The following CNTN6 variants were observed in gnomAD, a reference collection of about 807,000 sequenced individuals.
The protein encoded by CNTN6 is contactin 6.
In CNTN6, 137 loss-of-function variants were observed where a neutral mutation model predicts 122.8. The ratio of observed to expected loss-of-function variants is 1.12; its 90% CI spans 0.97 to 1.29. CNTN6 has a LOEUF of 1.29. Ranked by LOEUF, CNTN6 falls within the 50% of genes most tolerant of loss-of-function variation. CNTN6 has a pLI of 0.00. For missense variants in CNTN6, 1,634 were observed against 1,223.4 expected, an observed-to-expected ratio of 1.34 and a Z score of -5.01; for synonymous variants, 570 against 426.0, an observed-to-expected ratio of 1.34 and a Z score of -4.16.
chr3:1,181,604 G>T (rs536794625), intron 2 of CNTN6, among the ~76,000 whole-genome samples: 1 of 152,238 alleles, frequency 6.6e-6, no homozygotes, highest in Admixed American at 6.5e-5. Context: ...GTTTGTACTT[G>T]TGTGTATGTG....
chr3:1,300,811 C>T (rs963310383), intron 7 of CNTN6, among the ~76,000 whole-genome samples: 1 of 151,998 alleles, frequency 6.6e-6, no homozygotes, highest in African/African-American at 2.4e-5. Context: ...CTCTCCCCCT[C>T]TCTCTCTTTC....
At chr3:1,312,849 G>T (rs1325975040) in intron 7 of CNTN6, among the ~76,000 whole-genome samples, 2 of 150,512 alleles carry the variant, frequency 1.3e-5, no homozygotes, top group Non-Finnish European at 3.0e-5. Context: ...ATGATGTTGG[G>T]CATATTACCC....
At chr3:1,344,093 G>C (rs1401847058) in intron 11 of CNTN6, among the ~76,000 whole-genome samples, 1 of 152,116 alleles carries the variant, frequency 6.6e-6, no homozygotes, top group African/African-American at 2.4e-5. Context: ...GAATCTCCCT[G>C]CATCTCAGTT....
chr3:1,175,845 G>C (rs1042294957), intron 2 of CNTN6, among the ~76,000 whole-genome samples: 1 of 151,050 alleles, frequency 6.6e-6, no homozygotes, highest in African/African-American at 2.4e-5. Context: ...TGTAATTGAA[G>C]GGTTAAAAGT....
chr3:1,208,470 C>A (rs2093987872), intron 2 of CNTN6, among the ~76,000 whole-genome samples: 1 of 152,120 alleles, frequency 6.6e-6, no homozygotes, highest in South Asian at 2.1e-4. Flanking sequence ...TTTTGGCATT[C>A]TTCCAAAACC....
intron 1 of CNTN6, among the ~76,000 whole-genome samples, chr3:1,106,054 T>C (rs2091204797): frequency 6.6e-6 from 1 of 152,162 alleles, no homozygotes; most frequent in Non-Finnish European, 1.5e-5. Flanking sequence ...ACAAATTGTA[T>C]TTGAGACCTG....
chr3:1,389,501 C>G (rs1413139105), intron 20 of CNTN6, among the ~76,000 whole-genome samples: 2 of 152,146 alleles, frequency 1.3e-5, no homozygotes, highest in Non-Finnish European at 2.9e-5. Flanking sequence ...GAAACTGCAT[C>G]AACTAACGAG....
intron 4 of CNTN6, among the ~76,000 whole-genome samples, chr3:1,240,217 C>T (rs2094465119): frequency 6.6e-6 from 1 of 152,168 alleles, no homozygotes; most frequent in Non-Finnish European, 1.5e-5. Flanking sequence ...AAGAAATAAT[C>T]ATGAGAGTTT....
At chr3:1,168,950 C>G (rs1029760484) in intron 2 of CNTN6, among the ~76,000 whole-genome samples, 27 of 152,180 alleles carry the variant, frequency 1.8e-4, no homozygotes, top group African/African-American at 6.0e-4. Context: ...GAGAATAACT[C>G]AGGTGGACGT....
chr3:1,370,098 G>T (rs1708795452), intron 12 of CNTN6, among the ~76,000 whole-genome samples: 1 of 150,876 alleles, frequency 6.6e-6, no homozygotes, highest in Admixed American at 6.6e-5. Context: ...TTTTCTACTA[G>T]TTTATTCTTT....
At chr3:1,214,703 G>A (rs2094105330) in intron 2 of CNTN6, among the ~76,000 whole-genome samples, 2 of 152,072 alleles carry the variant, frequency 1.3e-5, no homozygotes, top group African/African-American at 4.8e-5. Flanking sequence ...TTGACTTCTG[G>A]TATAAAATGG....
At chr3:1,141,379 C>G (rs1350215504) in intron 1 of CNTN6, among the ~76,000 whole-genome samples, 1 of 152,094 alleles carries the variant, frequency 6.6e-6, no homozygotes, top group East Asian at 1.9e-4. Context: ...AAGGGGAGAA[C>G]GAAGCCCGTG....
intron 4 of CNTN6, among the ~76,000 whole-genome samples, 191 bp downstream of exon 4, chr3:1,228,184 A>T (rs116539634): frequency 0.027 from 4,084 of 152,066 alleles, 178 homozygotes; most frequent in African/African-American, 0.092. Context: ...AAAAAAGAAT[A>T]AAAAAAACAG....
intron 2 of CNTN6, among the ~76,000 whole-genome samples, chr3:1,210,876 T>C (rs2094026941): frequency 2.6e-5 from 4 of 152,216 alleles, no homozygotes. Flanking sequence ...TGATCTGGAA[T>C]GATGTTTTTT....
chr3:1,133,260 G>A (rs1170196071), intron 1 of CNTN6, among the ~76,000 whole-genome samples: 1 of 152,118 alleles, frequency 6.6e-6, no homozygotes, highest in East Asian at 1.9e-4. Context: ...CCAAGGAGAT[G>A]GACCAACATA....
At chr3:1,202,397 G>T (rs543987681) in intron 2 of CNTN6, among the ~76,000 whole-genome samples, 3 of 149,670 alleles carry the variant, frequency 2.0e-5, no homozygotes, top group Admixed American at 6.6e-5. Flanking sequence ...GAAATCAGCC[G>T]GGCGTGGTGG....
chr3:1,364,745 C>T (rs867195276), intron 12 of CNTN6, among the ~76,000 whole-genome samples: 3 of 151,748 alleles, frequency 2.0e-5, no homozygotes, highest in East Asian at 1.9e-4. Flanking sequence ...CTGGGGTCCC[C>T]GTAACTAAAA....
intron 1 of CNTN6, among the ~76,000 whole-genome samples, chr3:1,127,840 T>C (rs567048533): frequency 6.6e-6 from 1 of 152,098 alleles, no homozygotes; most frequent in Admixed American, 6.6e-5. Context: ...TTCTAATATC[T>C]GATACAGCTT....
chr3:1,388,583 G>C (rs1693565805), intron 20 of CNTN6, among the ~76,000 whole-genome samples: 1 of 150,422 alleles, frequency 6.6e-6, no homozygotes, highest in Non-Finnish European at 1.5e-5. Context: ...GACGAGCTGA[G>C]AGAAGAAGGC....
Sources: allele counts gnomAD v4.1 joint callset (sites outside exome capture counted in the v4.1 genomes callset), GRCh38; gene constraint gnomAD v4.1.1; transcripts MANE v1.5; gene names NCBI Gene and HGNC (gene_info 2026-07-23, HGNC 2026-07-21).